Variants in LCE1C observed in about 807,000 individuals in gnomAD.
The protein encoded by LCE1C is late cornified envelope 1C, also known as late cornified envelope protein 1C.
A neutral mutation model predicts 0.7 loss-of-function variants in LCE1C; 1 was observed. The observed-to-expected ratio is 1.44, with a 90% CI of 0.51 to 6.83. The LOEUF (loss-of-function observed/expected upper bound fraction) is 6.83. Among genes scored for constraint, LCE1C ranks in the 30% most tolerant of loss-of-function variants. LCE1C has a pLI of 0.14. For missense variants in LCE1C, 136 were observed against 149.6 expected (o/e 0.91, Z 0.48); for synonymous variants, 72 against 57.9 (o/e 1.24, Z -1.10).
chr1:152,805,503 AAG>A lies in LCE1C; in HGVS notation c.-20-7_-20-6del, dbSNP rs766229609. The A allele has an allele frequency of 4.8e-4, 767 of 1,606,100 alleles. No individual in the cohort carries two copies. Among genetic ancestry groups the A allele is most frequent in the Non-Finnish European group, 6.2e-4 (733 of 1,173,092 alleles). ...TCTTGGTGGCGGATTCAGGAGCTGA[AAG>A]AGAGTCAAACAGCAAGTCAGACCTA... On this transcript the variant is annotated splice_polypyrimidine_tract_variant and splice_region_variant and intron_variant, in intron 1 of 1. Coordinates refer to ENST00000607093, the MANE Select transcript of LCE1C (RefSeq NM_178351.4).
At position 152,806,601 on chromosome 1, in the gene LCE1C, C is replaced by T. The variant is rs554876729; in HGVS notation, c.-21G>A. 1.3e-5 allele frequency: 2 copies of T among 152,540 alleles called. No homozygotes were observed. Among genetic ancestry groups the T allele is most frequent in the Non-Finnish European group, 2.9e-5 (2 of 68,262 alleles). 9.4% of individuals were successfully genotyped at this position (152,540 alleles called of 1,614,324 possible). On this transcript the variant is annotated splice_region_variant and 5_prime_UTR_variant, in exon 1 of 2. Transcript: ENST00000607093. ...GCAACTATTCTCAAAGAACACTTAC[C>T]GGGGTCACAGGCAGCACAGGGTCCT...
intron 1 of LCE1C, among the ~76,000 whole-genome samples, chr1:152,806,384 C>G (rs933075762): frequency 6.6e-6 from 1 of 152,176 alleles, no homozygotes; most frequent in Non-Finnish European, 1.5e-5. Flanking sequence ...TAAAACTCAA[C>G]TAGCTGAAGC....
At chr1:152,805,550 T>C in intron 1 of LCE1C, 52 bp from the exon 2 acceptor site, 1 of 1,308,234 alleles carries the variant, frequency 7.6e-7, no homozygotes. Context: ...CACCCCTGCC[T>C]ATTCTTGTCC....
chr1:152,805,461 G>C lies in LCE1C; in HGVS notation c.18C>G (p.Ser6Arg). The C allele has an allele frequency of 4.3e-6, 7 of 1,614,046 alleles. No homozygotes were observed. Among genetic ancestry groups the C allele is most frequent in the Non-Finnish European group, 5.9e-6 (7 of 1,179,924 alleles). Residue 6 changes from serine to arginine, a missense_variant, in exon 2 of 2, where the codon AGC (serine) becomes AGG (arginine). Coordinates refer to ENST00000607093, the MANE Select transcript of LCE1C (RefSeq NM_178351.4). MSCQQ[S>R]QQQCQPPPKC... ...TGGGAGGGGGCTGGCACTGCTGCTG[G>C]CTCTGCTGGCAGGACATCTTGGTGG... is the stretch of plus-strand genomic sequence containing the variant.
chr1:152,806,516 C>T (rs539053547), intron 1 of LCE1C, 85 bp downstream of exon 1: 13 of 152,502 alleles, frequency 8.5e-5, no homozygotes, highest in African/African-American at 3.1e-4. Flanking sequence ...TCTCAGCCCT[C>T]AAGGTCCTGC....
chr1:152,805,168 C>G lies in LCE1C; in HGVS notation c.311G>C (p.Ser104Thr), dbSNP rs1652294530. The G allele has an allele frequency of 1.9e-5, 30 of 1,612,572 alleles. No homozygotes were observed. The East Asian group carries it at 6.0e-4, about 32-fold the overall frequency. The change falls in exon 2 of 2, where the codon AGC (serine) becomes ACC (threonine). Residue 104 changes from serine (S) to threonine (T), a missense_variant. By Grantham distance (58) the Ser-to-Thr change is moderately conservative. Coordinates refer to ENST00000607093, the MANE Select transcript of LCE1C (RefSeq NM_178351.4). The part of the protein sequence containing the change: ...GCCSQPSGGS[S>T]CCGGGSGQHS... Reference sequence around the variant, plus strand: ...CTGGCCACTCCCCCCGCCACAGCAGCTGGAGCCCCCCGAGGGCTGGCTGCA... The same window carrying G: ...CTGGCCACTCCCCCCGCCACAGCAGGTGGAGCCCCCCGAGGGCTGGCTGCA...
chr1:152,804,911 G>T lies in LCE1C; in HGVS notation c.*211C>A. ...AGCTAGGGGCTTAGACAGAGCGTGGGAGGGTAGCCACAAAGGTGAGGTCCA... is the reference window on the plus strand; with the variant it reads ...AGCTAGGGGCTTAGACAGAGCGTGGTAGGGTAGCCACAAAGGTGAGGTCCA... On this transcript the variant is annotated 3_prime_UTR_variant, in exon 2 of 2. Coordinates refer to ENST00000607093, the MANE Select transcript of LCE1C (RefSeq NM_178351.4). The T allele has an allele frequency of 1.6e-6, 1 of 637,596 alleles. No homozygotes were observed. 39.5% of individuals were successfully genotyped at this position (637,596 alleles called of 1,614,324 possible). A position where few individuals can be genotyped will look rare whatever the true frequency, so the allele number is the denominator to read the frequency against.
Position 152,805,084 on chromosome 1 carries a change from C to T in LCE1C, c.*38G>A, listed in dbSNP as rs201367303. The T allele has an allele frequency of 1.5e-4, 226 of 1,540,368 alleles. 1 individual carries two copies. In the East Asian group the frequency reaches 3.9e-3, roughly 26 times the overall value. ...GAAGGGGGATGTCCTTGGCAGTTTGCGGTCCTGGATTCTGCTCTTCTAGGC... is the reference window on the plus strand; with the variant it reads ...GAAGGGGGATGTCCTTGGCAGTTTGTGGTCCTGGATTCTGCTCTTCTAGGC... On this transcript the variant is annotated 3_prime_UTR_variant, in exon 2 of 2. Transcript: ENST00000607093.
intron 1 of LCE1C, among the ~76,000 whole-genome samples, chr1:152,806,099 C>T (rs1286018096): frequency 2.0e-5 from 3 of 152,188 alleles, no homozygotes; most frequent in East Asian, 1.9e-4. Context: ...ATATTCATCA[C>T]GCAACGGCCT....
In LCE1C at chr1:152,805,264, C is replaced by G. The variant is rs1250687086; in HGVS notation, c.215G>C (p.Gly72Ala). Residue 72 changes from glycine to alanine, a missense_variant, in exon 2 of 2, where the codon GGA becomes GCA. Gly to Ala is a moderately conservative substitution (Grantham distance 60). Coordinates refer to ENST00000607093, the MANE Select transcript of LCE1C (RefSeq NM_178351.4). The part of the protein sequence containing the change: ...SSSGGCCSSG[G>A]GGCCLSHHRR... ...GTGGTGGCTCAGGCAGCAGCCACCT[C>G]CCCCAGAACTGCAGCATCCCCCAGA... 6.2e-6 allele frequency: 10 copies of G among 1,613,932 alleles called. No homozygotes were observed. Among genetic ancestry groups the G allele is most frequent in the Non-Finnish European group, 8.5e-6 (10 of 1,179,984 alleles).
Position 152,805,134 on chromosome 1 carries a change from T to C in LCE1C, c.345A>G (p.Gly115=), listed in dbSNP as rs774367291. The change falls in exon 2 of 2, where the codon GGA becomes GGG. Residue 115 remains glycine, a synonymous_variant. Coordinates refer to ENST00000607093, the MANE Select transcript of LCE1C (RefSeq NM_178351.4). ...CCGGGSGQHS[G]GCC ...CTCAGGGTCCACTTCAGCAGCAGCC[T>C]CCAGAGTGCTGGCCACTCCCCCCGC... The C allele has an allele frequency of 6.2e-6, 10 of 1,601,870 alleles. No individual in the cohort carries two copies. The East Asian group carries it at 1.1e-4, about 18-fold the overall frequency.
intron 1 of LCE1C, 130 bp from the exon 2 acceptor site, chr1:152,805,628 C>T: frequency 1.3e-6 from 1 of 786,420 alleles, no homozygotes; most frequent in East Asian, 2.7e-5. Flanking sequence ...TCATTAATCA[C>T]TGAAAATTTT....
Position 152,804,933 on chromosome 1 carries a change from T to C in LCE1C, c.*189A>G. ...TGGGAGGGTAGCCACAAAGGTGAGG[T>C]CCAAGGCCAGTGAATGGAGATCCAG... On this transcript the variant is annotated 3_prime_UTR_variant, in exon 2 of 2. Transcript: ENST00000607093. 1.3e-6 allele frequency: 1 copy of C among 740,780 alleles called. No individual in the cohort carries two copies. The highest frequency in any genetic ancestry group is 2.2e-6 in the Non-Finnish European group (1 of 444,852). 45.9% of individuals were successfully genotyped at this position (740,780 alleles called of 1,614,324 possible).
Position 152,804,885 on chromosome 1 carries a change from A to G in LCE1C, c.*237T>C, listed in dbSNP as rs1652281936. 7.6e-6 allele frequency: 4 copies of G among 527,204 alleles called. No homozygotes were observed. The Admixed American group carries it at 1.4e-4, about 18-fold the overall frequency. The allele number at this position is 527,204 out of a possible 1,614,324, so 32.7% of individuals were successfully genotyped here. A position where few individuals can be genotyped will look rare whatever the true frequency, so the allele number is the denominator to read the frequency against. On this transcript the variant is annotated 3_prime_UTR_variant, in exon 2 of 2. Coordinates refer to ENST00000607093, the MANE Select transcript of LCE1C (RefSeq NM_178351.4). ...ATGCACGCTGCAAATGACATTGAGTAAGCTAGGGGCTTAGACAGAGCGTGG... is the reference window on the plus strand; with the variant it reads ...ATGCACGCTGCAAATGACATTGAGTGAGCTAGGGGCTTAGACAGAGCGTGG...
chr1:152,806,525 G>C (rs900553685), intron 1 of LCE1C, 76 bp downstream of exon 1: 1 of 152,378 alleles, frequency 6.6e-6, no homozygotes, highest in Non-Finnish European at 1.5e-5. Context: ...TCAAGGTCCT[G>C]CCCAGCCTCC....
chr1:152,805,186 T>A lies in LCE1C; in HGVS notation c.293A>T (p.Gln98Leu). Residue 98 changes from glutamine to leucine, a missense_variant, in exon 2 of 2, where the codon CAG becomes CTG. By Grantham distance (113) the Gln-to-Leu change is moderately radical. Transcript: ENST00000607093. ...ACAGCAGCTGGAGCCCCCCGAGGGC[T>A]GGCTGCAGCAGCCAGAGCTCTGGGG... ...HRPQSSGCCS[Q>L]PSGGSSCCGG... 6.2e-7 allele frequency: 1 copy of A among 1,613,432 alleles called. No homozygotes were observed. Among genetic ancestry groups the A allele is most frequent in the South Asian group, 1.1e-5 (1 of 91,036 alleles).
Position 152,805,374 on chromosome 1 carries a change from AGGGGGACACTTT to A in LCE1C, c.93_104del (p.Lys36_Pro39del), listed in dbSNP as rs757242686. On this transcript the variant is annotated inframe_deletion, in exon 2 of 2. Coordinates refer to ENST00000607093, the MANE Select transcript of LCE1C (RefSeq NM_178351.4). ...AGCAGGAAGAGACAGGAGGGCACTTAGGGGGACACTTTGGGGGACACTTTGGGGTGGGGCACT... is the reference window on the plus strand; with the variant it reads ...AGCAGGAAGAGACAGGAGGGCACTTAGGGGGACACTTTGGGGTGGGGCACT... The A allele has an allele frequency of 1.6e-5, 25 of 1,600,714 alleles. No homozygotes were observed. Among genetic ancestry groups the A allele is most frequent in the African/African-American group, 6.9e-5 (5 of 72,496 alleles).
intron 1 of LCE1C, 70 bp from the exon 2 acceptor site, chr1:152,805,568 A>T: frequency 1.8e-6 from 2 of 1,089,422 alleles, no homozygotes; most frequent in Non-Finnish European, 2.7e-6. Context: ...TCCTTTCCAC[A>T]TTGTTTCTAT....
At position 152,805,054 on chromosome 1, in the gene LCE1C, T is replaced by C; in HGVS notation, c.*68A>G. 6.6e-7 allele frequency: 1 copy of C among 1,507,586 alleles called. No homozygotes were observed. Among genetic ancestry groups the C allele is most frequent in the Non-Finnish European group, 8.9e-7 (1 of 1,124,222 alleles). The allele number at this position is 1,507,586 out of a possible 1,614,324, so 93.4% of individuals were successfully genotyped here. ...CTGTGAGCCTCTCAGGCAGGCCTAG[T>C]AGGAGAAGGGGGATGTCCTTGGCAG... On this transcript the variant is annotated 3_prime_UTR_variant, in exon 2 of 2. Coordinates refer to ENST00000607093, the MANE Select transcript of LCE1C (RefSeq NM_178351.4).
Sources: gnomAD v4.1 joint callset for allele counts (sites outside exome capture counted in the v4.1 genomes callset) on GRCh38, gnomAD v4.1.1 for gene constraint, MANE v1.5 for transcripts, NCBI Gene and HGNC (gene_info 2026-07-23, HGNC 2026-07-21) for gene names.